The following LMBRD1 variants were observed in gnomAD, a reference collection of about 807,000 sequenced individuals.
LMBRD1 encodes lysosomal cobalamin transport escort protein LMBD1.
Under a neutral mutation model 74.8 loss-of-function variants are expected in LMBRD1, and 64 were observed. The observed-to-expected ratio is 0.86, with a 90% confidence interval of 0.70 to 1.05. LMBRD1 has a LOEUF of 1.05. Ranked by LOEUF, LMBRD1 falls within the 50% of genes least tolerant of loss-of-function variation. The pLI is 0.00. For synonymous variants in LMBRD1, 204 were observed against 216.3 expected (o/e 0.94, Z 0.50); for missense variants, 652 against 645.9 (o/e 1.01, Z -0.10).
intron 6 of LMBRD1, among the ~76,000 whole-genome samples, chr6:69,739,294 C>G (rs934559938): frequency 1.3e-5 from 2 of 152,062 alleles, no homozygotes; most frequent in African/African-American, 4.8e-5. Context: ...CCAAATAACT[C>G]AAAATTGATC....
In LMBRD1 at chr6:69,691,605, G is replaced by A. The variant is rs549555267; in HGVS notation, c.1417+5958C>T. On this transcript the variant is annotated intron_variant, in intron 14 of 15. Transcript: ENST00000649934. ...AAGAAAGAAAGCTTGGGCCGGGCACGTTGGCTCAAGCCTGTAATCCCAGCA... is the reference window on the plus strand; with the variant it reads ...AAGAAAGAAAGCTTGGGCCGGGCACATTGGCTCAAGCCTGTAATCCCAGCA... Among the ~76,000 whole-genome samples, 8 of 152,124 alleles carry A rather than the reference G, an allele frequency of 5.3e-5. No individual in the cohort carries two copies. The East Asian group carries it at 5.8e-4, about 11-fold the overall frequency.
chr6:69,789,670 T>C (rs182145433), intron 2 of LMBRD1, among the ~76,000 whole-genome samples: 21 of 152,272 alleles, frequency 1.4e-4, no homozygotes, highest in South Asian at 2.1e-4. Flanking sequence ...ATTTAAGTAC[T>C]AAAGCTAAAT....
intron 7 of LMBRD1, among the ~76,000 whole-genome samples, chr6:69,731,869 T>C (rs530821640): frequency 3.2e-4 from 48 of 152,258 alleles, no homozygotes; most frequent in Admixed American, 1.4e-3. Context: ...AAAAGTGATA[T>C]AGAATTCTCA....
intron 3 of LMBRD1, among the ~76,000 whole-genome samples, chr6:69,756,860 G>T (rs186771063): frequency 6.6e-6 from 1 of 152,158 alleles, no homozygotes; most frequent in Non-Finnish European, 1.5e-5. Context: ...TCCATATCCA[G>T]CTGTACAAAA....
chr6:69,694,895 T>C (rs1271902635), intron 14 of LMBRD1, among the ~76,000 whole-genome samples: 1 of 152,178 alleles, frequency 6.6e-6, no homozygotes. Context: ...TCATAGGCTA[T>C]CAAAAGCTTT....
intron 5 of LMBRD1, among the ~76,000 whole-genome samples, chr6:69,747,014 C>T (rs2149874624): frequency 1.3e-5 from 2 of 150,218 alleles, no homozygotes; most frequent in South Asian, 4.2e-4. Context: ...TAGGGAGTAC[C>T]ACCTTTGTCA....
intron 2 of LMBRD1, among the ~76,000 whole-genome samples, chr6:69,780,969 C>T (rs1157503260): frequency 6.6e-6 from 1 of 152,028 alleles, no homozygotes; most frequent in Non-Finnish European, 1.5e-5. Flanking sequence ...GTAAGAGAAA[C>T]CAGGTGGAGA....
chr6:69,707,593 G>C (rs889988781), intron 9 of LMBRD1, among the ~76,000 whole-genome samples: 2 of 151,856 alleles, frequency 1.3e-5, no homozygotes, highest in Non-Finnish European at 2.9e-5. Flanking sequence ...ACTGTTTTAG[G>C]TGTGTCTCTT....
chr6:69,790,395 T>C lies in LMBRD1; in HGVS notation c.147A>G (p.Thr49=). 6.2e-7 allele frequency: 1 copy of C among 1,614,002 alleles called. No individual in the cohort carries two copies. The highest frequency in any genetic ancestry group is 1.1e-5 in the South Asian group (1 of 91,070). ...GTGCAATTGCTAGAGAAAAAATTGC[T>C]GTTATGGTGGAGACAACTTCACTTT... ...RRESEVVSTI[T]AIFSLAIALI... The change falls in exon 2 of 16, where the codon ACA becomes ACG. Residue 49 remains threonine, a synonymous_variant. Coordinates refer to ENST00000649934, the MANE Select transcript of LMBRD1 (RefSeq NM_018368.4).
At chr6:69,718,888 C>CAT (rs1416330313) in intron 8 of LMBRD1, 68 bp downstream of exon 8, 2 of 1,543,030 alleles carry the variant, frequency 1.3e-6, no homozygotes, top group African/African-American at 2.7e-5. Context: ...ATGTCTAAGT[C>CAT]ATATCAGAAA....
At chr6:69,738,923 T>C (rs1051879486) in intron 6 of LMBRD1, among the ~76,000 whole-genome samples, 2 of 152,166 alleles carry the variant, frequency 1.3e-5, no homozygotes, top group Non-Finnish European at 2.9e-5. Flanking sequence ...TCTATCATCT[T>C]AAAACTCATG....
chr6:69,694,349 A>T (rs1765950437), intron 14 of LMBRD1, among the ~76,000 whole-genome samples: 1 of 152,160 alleles, frequency 6.6e-6, no homozygotes, highest in African/African-American at 2.4e-5. Flanking sequence ...ATTACAAACC[A>T]ATTAAACACT....
At position 69,701,436 on chromosome 6, in the gene LMBRD1, T is replaced by G; in HGVS notation, c.1083+7A>C. The stretch of plus-strand genomic sequence containing the variant: ...CTACAGTATAAAATGATTGATATTT[T>G]ACTTACTGTTTGTAGTAAAGGCAAA... On this transcript the variant is annotated splice_region_variant and intron_variant, in intron 11 of 15. Transcript: ENST00000649934. The G allele has an allele frequency of 6.7e-7, 1 of 1,489,570 alleles. No homozygotes were observed. The highest frequency in any genetic ancestry group is 9.4e-7 in the Non-Finnish European group (1 of 1,068,790). 92.3% of individuals were successfully genotyped at this position (1,489,570 alleles called of 1,614,324 possible). A position where few individuals can be genotyped will look rare whatever the true frequency, so the allele number is the denominator to read the frequency against.
chr6:69,774,987 A>AGCG (rs1765663433), intron 3 of LMBRD1, among the ~76,000 whole-genome samples: 1 of 23,308 alleles, frequency 4.3e-5, no homozygotes, highest in Non-Finnish European at 8.0e-5. Context: ...GGAAGGAAGG[A>AGCG]AGGGAGGGAG....
At chr6:69,772,856 TA>T (rs1285901402) in intron 3 of LMBRD1, among the ~76,000 whole-genome samples, 1 of 152,210 alleles carries the variant, frequency 6.6e-6, no homozygotes, top group Non-Finnish European at 1.5e-5. Flanking sequence ...CTTTCAATAT[TA>T]ACTTTCCTAT....
At position 69,716,288 on chromosome 6, in the gene LMBRD1, T is replaced by C. The variant is rs973986112; in HGVS notation, c.763-2491A>G. 3.3e-5 allele frequency among the ~76,000 whole-genome samples: 5 copies of C among 152,160 alleles called. No individual in the cohort carries two copies. In the South Asian group the frequency reaches 1.0e-3, roughly 32 times the overall value. On this transcript the variant is annotated intron_variant, in intron 8 of 15. Transcript: ENST00000649934. ...CAACCTTGCTGGCATCTGTTATTTT[T>C]TGACTTTTTAATAACAGCCATTCTG...
At chr6:69,724,463 T>C (rs774411859) in intron 7 of LMBRD1, among the ~76,000 whole-genome samples, 1 of 141,886 alleles carries the variant, frequency 7.0e-6, no homozygotes, top group Non-Finnish European at 1.6e-5. Flanking sequence ...TATGACCAAG[T>C]GGGATTTATC....
chr6:69,782,522 T>G (rs1765857932), intron 2 of LMBRD1, among the ~76,000 whole-genome samples: 1 of 152,018 alleles, frequency 6.6e-6, no homozygotes. Context: ...TTGCTTGAGG[T>G]CAGGAGTTTG....
chr6:69,764,222 G>A (rs1765431934), intron 3 of LMBRD1, among the ~76,000 whole-genome samples: 1 of 152,134 alleles, frequency 6.6e-6, no homozygotes, highest in African/African-American at 2.4e-5. Context: ...TGAGGCCTTT[G>A]GGAGGTAATT....
Sources: gnomAD v4.1 joint callset for allele counts (sites outside exome capture counted in the v4.1 genomes callset) on GRCh38, gnomAD v4.1.1 for gene constraint, MANE v1.5 for transcripts, NCBI Gene and HGNC (gene_info 2026-07-23, HGNC 2026-07-21) for gene names.